Variants in SPIN1 observed in about 807,000 individuals in gnomAD.
The protein encoded by SPIN1 is spindlin 1.
A neutral mutation model predicts 26.0 loss-of-function variants in SPIN1; 3 were observed. That is an observed-to-expected ratio of 0.12 (90% CI 0.05 to 0.30). The LOEUF (loss-of-function observed/expected upper bound fraction) is 0.30. Ranked by LOEUF, SPIN1 falls within the 10% of genes least tolerant of loss-of-function variation. SPIN1 has a pLI of 1.00. For synonymous variants in SPIN1, 101 were observed against 116.5 expected (o/e 0.87, Z 0.86); for missense variants, 126 against 333.4 (o/e 0.38, Z 4.84).
At chr9:88,421,085 C>T (rs890584499) in intron 1 of SPIN1, among the ~76,000 whole-genome samples, 3 of 152,034 alleles carry the variant, frequency 2.0e-5, no homozygotes, top group African/African-American at 7.3e-5. Flanking sequence ...TGTTAACCCT[C>T]ATGTATGTAT....
intron 1 of SPIN1, among the ~76,000 whole-genome samples, chr9:88,404,713 C>G (rs1369908788): frequency 2.0e-5 from 3 of 151,906 alleles, no homozygotes; most frequent in African/African-American, 7.3e-5. Flanking sequence ...GTCAGGAGTT[C>G]AAGACCATCC....
At chr9:88,438,903 A>G (rs904230161) in intron 2 of SPIN1, among the ~76,000 whole-genome samples, 1 of 152,202 alleles carries the variant, frequency 6.6e-6, no homozygotes, top group Non-Finnish European at 1.5e-5. Flanking sequence ...ACAACAAGAA[A>G]CCATGTCAAT....
intron 1 of SPIN1, among the ~76,000 whole-genome samples, chr9:88,412,071 C>G (rs866615356): frequency 1.3e-5 from 2 of 151,408 alleles, no homozygotes; most frequent in Admixed American, 6.6e-5. Context: ...CCCAGCTACT[C>G]GGGAGGCTGA....
At chr9:88,437,011 C>A (rs568273503) in intron 2 of SPIN1, among the ~76,000 whole-genome samples, 1 of 151,720 alleles carries the variant, frequency 6.6e-6, no homozygotes, top group Non-Finnish European at 1.5e-5. Context: ...GTGATCCGCC[C>A]GCCTCGGCCT....
chr9:88,426,099 G>A (rs1316043070), intron 1 of SPIN1, among the ~76,000 whole-genome samples: 2 of 152,170 alleles, frequency 1.3e-5, no homozygotes, highest in Non-Finnish European at 2.9e-5. Context: ...TAATGGGGAT[G>A]TCAGACAGCA....
At chr9:88,439,266 G>T (rs1434927427) in intron 2 of SPIN1, among the ~76,000 whole-genome samples, 1 of 152,166 alleles carries the variant, frequency 6.6e-6, no homozygotes, top group East Asian at 1.9e-4. Context: ...GTGAATTCGT[G>T]TAAGAGAATG....
intron 1 of SPIN1, chr9:88,411,596 C>T (rs1253724445): frequency 1.8e-6 from 1 of 555,330 alleles, no homozygotes. Flanking sequence ...TTACTATAGC[C>T]TTGGCCTCCT....
chr9:88,442,663 G>C (rs980969016), intron 2 of SPIN1, among the ~76,000 whole-genome samples: 1 of 151,976 alleles, frequency 6.6e-6, no homozygotes, highest in Non-Finnish European at 1.5e-5. Flanking sequence ...GGGATTACAG[G>C]TGTGAGCCAC....
chr9:88,470,617 CAG>C (rs1828763423), intron 5 of SPIN1, among the ~76,000 whole-genome samples: 1 of 145,372 alleles, frequency 6.9e-6, no homozygotes, highest in African/African-American at 2.6e-5. Flanking sequence ...TTTTTTGAGA[CAG>C]AGTCTTGCTC....
At chr9:88,470,375 GT>G (rs1324834363) in intron 5 of SPIN1, among the ~76,000 whole-genome samples, 1 of 152,078 alleles carries the variant, frequency 6.6e-6, no homozygotes, top group Non-Finnish European at 1.5e-5. Flanking sequence ...ATGTTTAATC[GT>G]TTGGGGGAAC....
Position 88,475,404 on chromosome 9 carries a change from A to C in SPIN1, c.*127A>C. On this transcript the variant is annotated 3_prime_UTR_variant, in exon 6 of 6. Coordinates refer to ENST00000375859, the MANE Select transcript of SPIN1 (RefSeq NM_006717.3). ...CTGCGAACCCACAATCTCTGCCAGC[A>C]GAACTGGTTTTGTTCTGAATAGTAC... is the stretch of plus-strand genomic sequence containing the variant. The C allele has an allele frequency of 1.0e-6, 1 of 965,610 alleles. No individual in the cohort carries two copies. Among genetic ancestry groups the C allele is most frequent in the South Asian group, 1.7e-5 (1 of 59,860 alleles). 59.8% of individuals were successfully genotyped at this position (965,610 alleles called of 1,614,324 possible). A position where few individuals can be genotyped will look rare whatever the true frequency, so the allele number is the denominator to read the frequency against.
intron 1 of SPIN1, among the ~76,000 whole-genome samples, chr9:88,403,553 T>A (rs567735275): frequency 9.6e-4 from 146 of 151,858 alleles, no homozygotes; most frequent in Non-Finnish European, 1.7e-3. Flanking sequence ...TACAGAAAAT[T>A]TAAAAAAATT....
At chr9:88,396,332 C>T (rs1827057632) in intron 1 of SPIN1, among the ~76,000 whole-genome samples, 2 of 151,690 alleles carry the variant, frequency 1.3e-5, no homozygotes, top group Admixed American at 6.6e-5. Context: ...TGCGGTGGCT[C>T]ACACCTGTAC....
rs1828280696 is a variant in SPIN1, at chr9:88,447,784, A to G, written c.53-1157A>G. 2.0e-5 allele frequency among the ~76,000 whole-genome samples: 3 copies of G among 152,116 alleles called. No individual in the cohort carries two copies. In the South Asian group the frequency reaches 6.2e-4, roughly 32 times the overall value. On this transcript the variant is annotated intron_variant, in intron 2 of 5. Coordinates refer to ENST00000375859, the MANE Select transcript of SPIN1 (RefSeq NM_006717.3). ...TCCCAACGCTACACTGAGTCACAAC[A>G]TGGTAAAAGGGTGGTGTTCTTGGTT...
At chr9:88,404,511 CAA>C (rs1465633217) in intron 1 of SPIN1, among the ~76,000 whole-genome samples, 3 of 152,152 alleles carry the variant, frequency 2.0e-5, no homozygotes, top group African/African-American at 7.2e-5. Flanking sequence ...GCTTAAAACA[CAA>C]ACACATTGTA....
intron 1 of SPIN1, among the ~76,000 whole-genome samples, chr9:88,398,390 C>T (rs1279786994): frequency 6.6e-6 from 1 of 152,008 alleles, no homozygotes; most frequent in Non-Finnish European, 1.5e-5. Context: ...AAAGCAGAAC[C>T]ATTCCTGTTT....
chr9:88,446,796 T>C (rs1477941575), intron 2 of SPIN1, among the ~76,000 whole-genome samples: 1 of 152,202 alleles, frequency 6.6e-6, no homozygotes, highest in Non-Finnish European at 1.5e-5. Flanking sequence ...GCCAGTTTTA[T>C]TTTTGTTTTC....
chr9:88,395,774 T>C (rs2117876783), intron 1 of SPIN1, among the ~76,000 whole-genome samples: 1 of 151,966 alleles, frequency 6.6e-6, no homozygotes, highest in Non-Finnish European at 1.5e-5. Context: ...TCAGGCTCAG[T>C]GTGATGGCTC....
intron 1 of SPIN1, among the ~76,000 whole-genome samples, chr9:88,407,862 A>G (rs1230966466): frequency 6.6e-6 from 1 of 151,442 alleles, no homozygotes; most frequent in Non-Finnish European, 1.5e-5. Context: ...CCAGGCTCAA[A>G]TGATCCTCCT....
Sources: gnomAD v4.1 joint callset for allele counts (sites outside exome capture counted in the v4.1 genomes callset) on GRCh38, gnomAD v4.1.1 for gene constraint, MANE v1.5 for transcripts, NCBI Gene and HGNC (gene_info 2026-07-23, HGNC 2026-07-21) for gene names.